The following COL5A2 variants were observed in gnomAD, a reference collection of about 807,000 sequenced individuals.
The protein encoded by COL5A2 is collagen alpha-2(V) chain.
A neutral mutation model predicts 208.2 loss-of-function variants in COL5A2; 23 were observed. That is an observed-to-expected ratio of 0.11 (90% CI 0.08 to 0.16). The LOEUF (loss-of-function observed/expected upper bound fraction) is 0.16. Among genes scored for constraint, COL5A2 ranks in the 10% least tolerant of loss-of-function variants. COL5A2 has a pLI of 1.00. For synonymous variants in COL5A2, 625 were observed against 628.5 expected (o/e 0.99, Z 0.08); for missense variants, 1,590 against 1,956.4 (o/e 0.81, Z 3.53).
the COL5A2 span, among the ~76,000 whole-genome samples, chr2:189,405,190 A>T: frequency 2.0e-5 from 3 of 152,070 alleles, no homozygotes; most frequent in African/African-American, 7.2e-5. Context: ...TAAACACATT[A>T]AAAAAATAGT....
chr2:189,048,385 T>C (rs1685715107), intron 44 of COL5A2, 123 bp from the exon 45 acceptor site: 1 of 817,498 alleles, frequency 1.2e-6, no homozygotes, highest in Non-Finnish European at 2.1e-6. Flanking sequence ...TTAGCATTTA[T>C]GCAAATGTCA....
chr2:189,262,610 G>A, the COL5A2 span, among the ~76,000 whole-genome samples: 1 of 151,822 alleles, frequency 6.6e-6, no homozygotes, highest in Non-Finnish European at 1.5e-5. Flanking sequence ...TAACATTCTT[G>A]TACTATCATG....
intron 18 of COL5A2, among the ~76,000 whole-genome samples, chr2:189,070,407 T>A (rs1230146149): frequency 1.3e-5 from 2 of 152,172 alleles, no homozygotes; most frequent in Admixed American, 1.3e-4. Flanking sequence ...GGCAGAACTT[T>A]GTAGGAAAAG....
intron 2 of COL5A2, among the ~76,000 whole-genome samples, chr2:189,109,573 C>T (rs1466225166): frequency 6.6e-6 from 1 of 152,032 alleles, no homozygotes; most frequent in Non-Finnish European, 1.5e-5. Context: ...TTTATTGAAA[C>T]CTATAAATAT....
chr2:189,115,405 G>A (rs1687368439), intron 1 of COL5A2, among the ~76,000 whole-genome samples: 1 of 143,994 alleles, frequency 6.9e-6, no homozygotes. Context: ...ACACCTGTGG[G>A]GGAAAAAAAA....
At chr2:189,049,484 T>C (rs1026723815) in intron 43 of COL5A2, 30 bp from the exon 44 acceptor site, 1 of 1,561,298 alleles carries the variant, frequency 6.4e-7, no homozygotes, top group South Asian at 1.1e-5. Flanking sequence ...GTCAAACACT[T>C]GTGAAGAAAT....
At chr2:189,433,882 AAG>A in the COL5A2 span, among the ~76,000 whole-genome samples, 2 of 152,208 alleles carry the variant, frequency 1.3e-5, no homozygotes, top group African/African-American at 4.8e-5. Context: ...ACAACAAAAA[AAG>A]AGAATTTTAG....
chr2:189,293,082 C>T, the COL5A2 span, among the ~76,000 whole-genome samples: 3 of 149,754 alleles, frequency 2.0e-5, no homozygotes, highest in Non-Finnish European at 3.0e-5. Flanking sequence ...GGAAGGGGAA[C>T]ATCACACTCT....
At chr2:189,194,353 C>A (rs1424005693) in intron 1 of COL5A2, among the ~76,000 whole-genome samples, 1 of 152,206 alleles carries the variant, frequency 6.6e-6, no homozygotes, top group Non-Finnish European at 1.5e-5. Context: ...AATCATTTGA[C>A]TAACAAACCC....
upstream of COL5A2, chr2:189,179,818 T>C (rs1688750223): frequency 5.8e-6 from 4 of 692,506 alleles, no homozygotes; most frequent in South Asian, 7.5e-5. Flanking sequence ...CTCCACTTCT[T>C]TTCCTGCCCC....
At chr2:189,062,816 A>T in intron 29 of COL5A2, 49 bp downstream of exon 29, 1 of 1,604,854 alleles carries the variant, frequency 6.2e-7, no homozygotes, top group Non-Finnish European at 8.5e-7. Context: ...AAAAAATGCA[A>T]TGTGTGTATA....
At chr2:189,395,511 TAAC>T in the COL5A2 span, among the ~76,000 whole-genome samples, 1 of 152,170 alleles carries the variant, frequency 6.6e-6, no homozygotes, top group East Asian at 1.9e-4. Context: ...AAATTTTGTA[TAAC>T]AACTAAATTT....
the COL5A2 span, among the ~76,000 whole-genome samples, chr2:189,257,765 G>A: frequency 1.8e-4 from 27 of 152,138 alleles, no homozygotes; most frequent in Admixed American, 1.1e-3. Context: ...AAGTGGAGAA[G>A]TATTTTATTT....
chr2:189,305,185 A>C, the COL5A2 span, among the ~76,000 whole-genome samples: 1 of 152,212 alleles, frequency 6.6e-6, no homozygotes, highest in African/African-American at 2.4e-5. Context: ...AGCCTCACAA[A>C]TCTACCATCC....
chr2:189,293,027 T>A, the COL5A2 span, among the ~76,000 whole-genome samples: 2 of 151,178 alleles, frequency 1.3e-5, no homozygotes, highest in African/African-American at 4.9e-5. Flanking sequence ...CACCGCATAT[T>A]CTCACTCAAA....
the COL5A2 span, among the ~76,000 whole-genome samples, chr2:189,326,565 C>T: frequency 5.9e-5 from 9 of 151,962 alleles, no homozygotes; most frequent in South Asian, 8.3e-4. Context: ...GTGGTGTGCG[C>T]GCCTGTAGTC....
At chr2:189,053,080 T>A in intron 38 of COL5A2, 62 bp from the exon 39 acceptor site, 1 of 1,194,216 alleles carries the variant, frequency 8.4e-7, no homozygotes, top group Non-Finnish European at 1.2e-6. Context: ...TACTTTAGAG[T>A]AATTATTACT....
the COL5A2 span, among the ~76,000 whole-genome samples, chr2:189,380,810 T>C: frequency 1.3e-5 from 2 of 151,968 alleles, no homozygotes; most frequent in Non-Finnish European, 2.9e-5. Context: ...TCTTGGAATA[T>C]AATCCAAGTA....
the COL5A2 span, among the ~76,000 whole-genome samples, chr2:189,429,626 G>A: frequency 6.6e-6 from 1 of 152,164 alleles, no homozygotes; most frequent in Non-Finnish European, 1.5e-5. Context: ...GGATTCACAT[G>A]AGAGACATAC....
Sources: allele counts gnomAD v4.1 joint callset (sites outside exome capture counted in the v4.1 genomes callset), GRCh38; gene constraint gnomAD v4.1.1; transcripts MANE v1.5; gene names NCBI Gene and HGNC (gene_info 2026-07-23, HGNC 2026-07-21).